CAMK2D: variants seen among roughly 807,000 people sequenced by gnomAD.
The protein encoded by CAMK2D is calcium/calmodulin-dependent protein kinase type II subunit delta.
A neutral mutation model predicts 84.0 loss-of-function variants in CAMK2D; 37 were observed. The observed-to-expected ratio is 0.44, with a 90% CI of 0.34 to 0.58. CAMK2D has a LOEUF of 0.58. Ranked by LOEUF, CAMK2D falls within the 20% of genes least tolerant of loss-of-function variation. The probability of loss-of-function intolerance (pLI) is 0.02; values close to 1 mark genes in which losing one functional copy is unlikely to be tolerated. For missense variants in CAMK2D, 448 were observed against 652.5 expected (o/e 0.69, Z 3.41); for synonymous variants, 202 against 212.5 (o/e 0.95, Z 0.43).
intron 2 of CAMK2D, among the ~76,000 whole-genome samples, chr4:113,746,245 T>G (rs1006557827): frequency 6.6e-6 from 1 of 152,220 alleles, no homozygotes; most frequent in African/African-American, 2.4e-5. Flanking sequence ...TCTAATATGG[T>G]ATTTCTAAGT....
chr4:113,522,845 C>T lies in CAMK2D; in HGVS notation c.602-5188G>A, dbSNP rs1044288218. Reference sequence around the variant, plus strand: ...AAAATGTCCGCATGTCTGACTAAGACAGCAGACTGCCTGCAATGGAGAGAA... The same window carrying T: ...AAAATGTCCGCATGTCTGACTAAGATAGCAGACTGCCTGCAATGGAGAGAA... On this transcript the variant is annotated intron_variant, in intron 8 of 20. Coordinates refer to ENST00000511664, the MANE Select transcript of CAMK2D (RefSeq NM_001321571.2). Among the ~76,000 whole-genome samples, 4 of 152,218 alleles carry T rather than the reference C, an allele frequency of 2.6e-5. No individual in the cohort carries two copies. In the East Asian group the frequency reaches 7.7e-4, roughly 29 times the overall value.
chr4:113,465,621 G>GACTTTT lies in CAMK2D; in HGVS notation c.1136-18_1136-17insAAAAGT. 6.7e-7 allele frequency: 1 copy of GACTTTT among 1,497,080 alleles called. No individual in the cohort carries two copies. The highest frequency in any genetic ancestry group is 9.3e-7 in the Non-Finnish European group (1 of 1,076,130). 92.7% of individuals were successfully genotyped at this position (1,497,080 alleles called of 1,614,324 possible). ...GCTTTCGTGCTAAAGGCAAAAATAT[G>GACTTTT]GAGTTGGGTAAGAATAAAAGACAAA... On this transcript the variant is annotated splice_polypyrimidine_tract_variant and intron_variant, in intron 16 of 20. Transcript: ENST00000511664.
At chr4:113,575,255 G>A (rs1223832164) in intron 4 of CAMK2D, among the ~76,000 whole-genome samples, 2 of 152,162 alleles carry the variant, frequency 1.3e-5, no homozygotes, top group Admixed American at 6.5e-5. Context: ...TTATGTGTCT[G>A]TATGATAAAT....
At chr4:113,663,741 T>C (rs1023978537) in intron 2 of CAMK2D, among the ~76,000 whole-genome samples, 46 of 151,304 alleles carry the variant, frequency 3.0e-4, no homozygotes, top group Admixed American at 1.9e-3. Context: ...CTGAAAAATA[T>C]ATAATTACAT....
At chr4:113,509,164 A>C (rs1460757958) in intron 13 of CAMK2D, among the ~76,000 whole-genome samples, 1 of 152,232 alleles carries the variant, frequency 6.6e-6, no homozygotes, top group Non-Finnish European at 1.5e-5. Context: ...AGGAATAATT[A>C]AGACCTTTAT....
chr4:113,498,499 T>C (rs1357661449), intron 16 of CAMK2D, among the ~76,000 whole-genome samples: 3 of 152,154 alleles, frequency 2.0e-5, no homozygotes, highest in Non-Finnish European at 4.4e-5. Context: ...ACCAGCAAAA[T>C]TAAGCAGAAA....
At chr4:113,497,765 T>C (rs1421386074) in intron 16 of CAMK2D, among the ~76,000 whole-genome samples, 2 of 152,222 alleles carry the variant, frequency 1.3e-5, no homozygotes, top group Non-Finnish European at 2.9e-5. Context: ...TGACATGGTA[T>C]TCAAGGAATC....
intron 16 of CAMK2D, among the ~76,000 whole-genome samples, chr4:113,477,074 G>A (rs915227383): frequency 9.9e-5 from 15 of 152,224 alleles, no homozygotes; most frequent in Non-Finnish European, 2.2e-4. Context: ...TGGATGCCCT[G>A]CAATAACTAA....
chr4:113,544,671 T>C (rs1336838488), intron 6 of CAMK2D, among the ~76,000 whole-genome samples: 1 of 152,210 alleles, frequency 6.6e-6, no homozygotes, highest in African/African-American at 2.4e-5. Flanking sequence ...ATTTTGCTTA[T>C]TAAGACCCTG....
chr4:113,735,605 CTG>C (rs1311083868), intron 2 of CAMK2D, among the ~76,000 whole-genome samples: 2 of 152,212 alleles, frequency 1.3e-5, no homozygotes, highest in South Asian at 2.1e-4. Context: ...CTTACAATAA[CTG>C]AGAGATGCAC....
chr4:113,596,675 T>TG (rs1553990965), intron 4 of CAMK2D, among the ~76,000 whole-genome samples: 1 of 151,780 alleles, frequency 6.6e-6, no homozygotes, highest in Non-Finnish European at 1.5e-5. Flanking sequence ...TCATTTTTCT[T>TG]CCCCCCCAGG....
chr4:113,629,340 A>G (rs1295406918), intron 3 of CAMK2D, among the ~76,000 whole-genome samples: 1 of 152,124 alleles, frequency 6.6e-6, no homozygotes, highest in East Asian at 1.9e-4. Context: ...TCAAAAATAG[A>G]CTCAAATTTT....
intron 4 of CAMK2D, among the ~76,000 whole-genome samples, chr4:113,555,467 C>T (rs2098658211): frequency 6.6e-6 from 1 of 152,014 alleles, no homozygotes; most frequent in Non-Finnish European, 1.5e-5. Flanking sequence ...GAAGAACAAA[C>T]CTAGTGAGAT....
chr4:113,571,262 C>G (rs2098752210), intron 4 of CAMK2D, among the ~76,000 whole-genome samples: 2 of 152,076 alleles, frequency 1.3e-5, no homozygotes, highest in Admixed American at 6.5e-5. Context: ...AATAGAACTA[C>G]CATATAATCC....
rs527290487 is a variant in CAMK2D at position 113,574,461 on chromosome 4, G to A, written c.276-22365C>T. ...AATCTATTTTAGCACAGAATAGTGG[G>A]ATAATCTTTCCAAGGTCATCAGTCA... On this transcript the variant is annotated intron_variant, in intron 4 of 20. Transcript: ENST00000511664. Among the ~76,000 whole-genome samples, 8 of 152,262 alleles carry A rather than the reference G, an allele frequency of 5.3e-5. No homozygotes were observed. In the South Asian group the frequency reaches 1.7e-3, roughly 32 times the overall value.
At chr4:113,470,373 C>T (rs191589952) in intron 16 of CAMK2D, among the ~76,000 whole-genome samples, 6 of 152,282 alleles carry the variant, frequency 3.9e-5, no homozygotes, top group East Asian at 3.9e-4. Flanking sequence ...GGGCCAGGCG[C>T]GGTGGCTCAT....
intron 4 of CAMK2D, among the ~76,000 whole-genome samples, chr4:113,573,325 G>A (rs1055029258): frequency 7.9e-5 from 12 of 152,146 alleles, no homozygotes; most frequent in Non-Finnish European, 1.3e-4. Context: ...TGTTGTTTGA[G>A]GTAATCTTTT....
At chr4:113,456,970 G>A (rs1326482341) in intron 19 of CAMK2D, 2 of 192,688 alleles carry the variant, frequency 1.0e-5, no homozygotes, top group Non-Finnish European at 2.1e-5. Flanking sequence ...GGCCATTTTA[G>A]AAACTCCTCC....
chr4:113,568,849 T>C (rs1398202848), intron 4 of CAMK2D, among the ~76,000 whole-genome samples: 3 of 152,212 alleles, frequency 2.0e-5, no homozygotes, highest in Non-Finnish European at 4.4e-5. Context: ...TGATGAGTAA[T>C]GTTGAGTGTC....
Sources: allele counts gnomAD v4.1 joint callset (sites outside exome capture counted in the v4.1 genomes callset), GRCh38; gene constraint gnomAD v4.1.1; transcripts MANE v1.5; gene names NCBI Gene and HGNC (gene_info 2026-07-23, HGNC 2026-07-21).